Variants in ZDHHC23 observed in about 807,000 individuals in gnomAD.
ZDHHC23 encodes the protein zDHHC palmitoyltransferase 23.
Under a neutral mutation model 40.2 loss-of-function variants are expected in ZDHHC23, and 41 were observed. That is an observed-to-expected ratio of 1.02 (90% CI 0.79 to 1.32). The LOEUF (loss-of-function observed/expected upper bound fraction) is 1.32. Among genes scored for constraint, ZDHHC23 ranks in the 40% most tolerant of loss-of-function variants. The pLI is 0.00. For missense variants in ZDHHC23, 471 were observed against 541.5 expected (o/e 0.87, Z 1.29); for synonymous variants, 204 against 210.2 (o/e 0.97, Z 0.26).
At chr3:113,973,659 T>C in the ZDHHC23 span, among the ~76,000 whole-genome samples, 4 of 151,970 alleles carry the variant, frequency 2.6e-5, no homozygotes, top group South Asian at 4.2e-4. Context: ...TCCTGGCCTA[T>C]ACCGTTTCTG....
chr3:113,957,543 A>C, intron 4 of ZDHHC23: 1 of 382,080 alleles, frequency 2.6e-6, no homozygotes, highest in South Asian at 2.0e-5. Context: ...AGGCGAGGGA[A>C]CCGAGGAATA....
chr3:113,958,866 C>G lies in ZDHHC23; in HGVS notation c.*236C>G, dbSNP rs1939485177. ...TTTCCAGTCACCTTTTTAATTGACT[C>G]AGTTGCCTGAACTTGAGAAGGATGT... On this transcript the variant is annotated 3_prime_UTR_variant, in exon 5 of 5. Transcript: ENST00000638807. 2.2e-6 allele frequency: 3 copies of G among 1,334,412 alleles called. No individual in the cohort carries two copies. Among genetic ancestry groups the G allele is most frequent in the South Asian group, 2.5e-5 (2 of 80,474 alleles). 82.7% of individuals were successfully genotyped at this position (1,334,412 alleles called of 1,614,324 possible). A position where few individuals can be genotyped will look rare whatever the true frequency, so the allele number is the denominator to read the frequency against.
the ZDHHC23 span, among the ~76,000 whole-genome samples, chr3:113,976,775 A>G: frequency 2.0e-5 from 3 of 152,180 alleles, no homozygotes; most frequent in Non-Finnish European, 4.4e-5. Flanking sequence ...ATTTTATGAG[A>G]GAGGAACAGG....
At chr3:113,957,304 A>G (rs1241677361) in intron 4 of ZDHHC23, among the ~76,000 whole-genome samples, 2 of 152,180 alleles carry the variant, frequency 1.3e-5, no homozygotes, top group Non-Finnish European at 2.9e-5. Context: ...CTTTCTTTAC[A>G]AAGTATCCCT....
Position 113,961,398 on chromosome 3 carries a change from A to G in ZDHHC23, c.*2768A>G, listed in dbSNP as rs1939668321. On this transcript the variant is annotated 3_prime_UTR_variant, in exon 5 of 5. Coordinates refer to ENST00000638807, the MANE Select transcript of ZDHHC23 (RefSeq NM_001320466.2). ...AAGATTCAAGGGAGAAAGATTAAGG[A>G]TCAGGATTGCATGAAAGAAGAAAAT... 6.6e-6 allele frequency: 1 copy of G among 152,632 alleles called. No homozygotes were observed. Among genetic ancestry groups the G allele is most frequent in the Non-Finnish European group, 1.5e-5 (1 of 68,054 alleles). 9.5% of individuals were successfully genotyped at this position (152,632 alleles called of 1,614,324 possible). A position where few individuals can be genotyped will look rare whatever the true frequency, so the allele number is the denominator to read the frequency against.
At chr3:113,977,970 GCCT>G in the ZDHHC23 span, among the ~76,000 whole-genome samples, 1 of 152,174 alleles carries the variant, frequency 6.6e-6, no homozygotes, top group Admixed American at 6.5e-5. Context: ...GAAAGGGCAG[GCCT>G]CCTCCTCCTC....
chr3:113,964,566 C>T (rs1306076368), downstream of ZDHHC23: 1 of 152,212 alleles, frequency 6.6e-6, no homozygotes, highest in East Asian at 1.9e-4. Flanking sequence ...TATCAAGGTG[C>T]ACGGAAGAGA....
intron 3 of ZDHHC23, among the ~76,000 whole-genome samples, chr3:113,955,190 T>TCAGAAGGGGATGCAGGA (rs1227613577): frequency 6.6e-6 from 1 of 152,300 alleles, no homozygotes; most frequent in East Asian, 1.9e-4. Context: ...TACCTCCTCC[T>TCAGAAGGGGATGCAGGA]CAGAAGGGGA....
chr3:113,958,253 A>G (rs1939421764), intron 4 of ZDHHC23, 110 bp from the exon 5 acceptor site: 2 of 974,628 alleles, frequency 2.1e-6, no homozygotes, highest in Non-Finnish European at 3.1e-6. Flanking sequence ...GTTGGGGAAG[A>G]TGCCAAAGTC....
chr3:113,950,852 G>A (rs1308608412), intron 2 of ZDHHC23, among the ~76,000 whole-genome samples: 4 of 152,302 alleles, frequency 2.6e-5, no homozygotes, highest in Non-Finnish European at 1.5e-5. Flanking sequence ...ACAATACGAT[G>A]GTAGGACATG....
At position 113,962,445 on chromosome 3, in the gene ZDHHC23, CCTT is replaced by C. The variant is rs753955778; in HGVS notation, c.*3819_*3821del. On this transcript the variant is annotated 3_prime_UTR_variant, in exon 5 of 5. Coordinates refer to ENST00000638807, the MANE Select transcript of ZDHHC23 (RefSeq NM_001320466.2). ...GGCTTGTGACTTCTTAGTGGCCTAGCCTTCTTGATGGCACCTTGAAAGTGAACT... is the reference window on the plus strand; with the variant it reads ...GGCTTGTGACTTCTTAGTGGCCTAGCCTTGATGGCACCTTGAAAGTGAACT... 2.4e-4 allele frequency: 36 copies of C among 152,324 alleles called. No individual in the cohort carries two copies. The highest frequency in any genetic ancestry group is 3.2e-4 in the Non-Finnish European group (22 of 68,038). 9.4% of individuals were successfully genotyped at this position (152,324 alleles called of 1,614,324 possible). A position where few individuals can be genotyped will look rare whatever the true frequency, so the allele number is the denominator to read the frequency against.
At position 113,963,108 on chromosome 3, in the gene ZDHHC23, G is replaced by A. The variant is rs931697991; in HGVS notation, c.*4478G>A. ...GTGGCCCTGTCCCTAGCCCTAAACT[G>A]TTATGTTCCCGGTGGCAATTTCTCC... On this transcript the variant is annotated 3_prime_UTR_variant, in exon 5 of 5. Coordinates refer to ENST00000638807, the MANE Select transcript of ZDHHC23 (RefSeq NM_001320466.2). 1 of 152,200 alleles carries A rather than the reference G, an allele frequency of 6.6e-6. No individual in the cohort carries two copies. Among genetic ancestry groups the A allele is most frequent in the East Asian group, 1.9e-4 (1 of 5,178 alleles). 9.4% of individuals were successfully genotyped at this position (152,200 alleles called of 1,614,324 possible). A position where few individuals can be genotyped will look rare whatever the true frequency, so the allele number is the denominator to read the frequency against.
the ZDHHC23 span, among the ~76,000 whole-genome samples, chr3:113,973,925 G>A: frequency 1.3e-5 from 2 of 150,570 alleles, no homozygotes; most frequent in Non-Finnish European, 3.0e-5. Flanking sequence ...TTTTAGATAT[G>A]ATCTTCTGAG....
chr3:113,966,220 T>C (rs769981472), downstream of ZDHHC23, among the ~76,000 whole-genome samples: 17 of 152,196 alleles, frequency 1.1e-4, no homozygotes, highest in Non-Finnish European at 2.9e-5. Flanking sequence ...CAGTCTTGAA[T>C]ATCAGTTGAG....
chr3:113,956,497 C>T lies in ZDHHC23; in HGVS notation c.1031C>T (p.Ala344Val), dbSNP rs1939236850. The T allele has an allele frequency of 7.4e-6, 12 of 1,612,620 alleles. No individual in the cohort carries two copies. In the East Asian group the frequency reaches 2.7e-4, roughly 36 times the overall value. ...TALFYCPGVY[A>V]NYSSALSFTC... ...CTTTTCTATTGTCCTGGAGTTTATG[C>T]AAATTACAGGTGAGCAGTGGGTACC... is the stretch of plus-strand genomic sequence containing the variant. Residue 344 changes from alanine to valine, a missense_variant, in exon 4 of 5, where the codon GCA becomes GTA. Transcript: ENST00000638807.
Position 113,960,676 on chromosome 3 carries a change from A to G in ZDHHC23, c.*2046A>G, listed in dbSNP as rs751582495. On this transcript the variant is annotated 3_prime_UTR_variant, in exon 5 of 5. Coordinates refer to ENST00000638807, the MANE Select transcript of ZDHHC23 (RefSeq NM_001320466.2). ...AAAGAGACCAAAATAATTTGGGAGA[A>G]TTAGGAATGATGACAATTTTTTTTA... is the stretch of plus-strand genomic sequence containing the variant. 6.2e-7 allele frequency: 1 copy of G among 1,607,152 alleles called. No individual in the cohort carries two copies.
intron 2 of ZDHHC23, among the ~76,000 whole-genome samples, chr3:113,953,498 G>C (rs1938879419): frequency 6.6e-6 from 1 of 152,144 alleles, no homozygotes; most frequent in Non-Finnish European, 1.5e-5. Flanking sequence ...AAATAATCTT[G>C]ACTTTAAGTT....
chr3:113,963,574 C>CAAAAAA (rs10526433), downstream of ZDHHC23, among the ~76,000 whole-genome samples: 2 of 50,762 alleles, frequency 3.9e-5, no homozygotes, highest in Non-Finnish European at 7.1e-5. Flanking sequence ...CCATCTCTAC[C>CAAAAAA]AAAAAAAAAA....
intron 4 of ZDHHC23, among the ~76,000 whole-genome samples, chr3:113,958,077 T>G (rs1289294624): frequency 6.6e-6 from 1 of 152,202 alleles, no homozygotes; most frequent in African/African-American, 2.4e-5. Context: ...AACGCTGTTA[T>G]GTCAGGCAGC....
Sources: allele counts gnomAD v4.1 joint callset (sites outside exome capture counted in the v4.1 genomes callset), GRCh38; gene constraint gnomAD v4.1.1; transcripts MANE v1.5; gene names NCBI Gene and HGNC (gene_info 2026-07-23, HGNC 2026-07-21).